NEU3: variants seen among roughly 807,000 people sequenced by gnomAD.
NEU3 encodes the protein neuraminidase 3.
A neutral mutation model predicts 11.4 loss-of-function variants in NEU3; 10 were observed. The ratio of observed to expected loss-of-function variants is 0.88; its 90% CI spans 0.54 to 1.49. The LOEUF is 1.49. Ranked by LOEUF, NEU3 falls within the 40% of genes most tolerant of loss-of-function variation. NEU3 has a pLI of 0.00. For missense variants in NEU3, 529 were observed against 581.8 expected, an observed-to-expected ratio of 0.91 and a Z score of 0.93; for synonymous variants, 212 against 228.2, an observed-to-expected ratio of 0.93 and a Z score of 0.64.
chr11:74,994,261 A>G (rs1293988954), intron 1 of NEU3, among the ~76,000 whole-genome samples: 3 of 152,228 alleles, frequency 2.0e-5, no homozygotes, highest in Non-Finnish European at 4.4e-5. Context: ...TCCAAGATAC[A>G]TACTTGATAC....
chr11:75,005,235 T>G (rs1427976368), intron 2 of NEU3, among the ~76,000 whole-genome samples, 178 bp from the exon 3 acceptor site: 1 of 152,340 alleles, frequency 6.6e-6, no homozygotes, highest in African/African-American at 2.4e-5. Context: ...CATTGTCTCT[T>G]TCCAGCTTTG....
chr11:74,985,221 G>A (rs1214071124), upstream of NEU3, among the ~76,000 whole-genome samples: 1 of 152,082 alleles, frequency 6.6e-6, no homozygotes, highest in African/African-American at 2.4e-5. Flanking sequence ...AAATATTTCA[G>A]ACAAATAAGG....
In NEU3 at chr11:75,003,499, G is replaced by T. The variant is rs185165882; in HGVS notation, c.307-1914G>T. The stretch of plus-strand genomic sequence containing the variant: ...AAGGATTGGTCTAATTATTTAGTTT[G>T]CTGTAACCAGAAGTCCCTTTCCTCC... On this transcript the variant is annotated intron_variant, in intron 2 of 2. Coordinates refer to ENST00000294064, the MANE Select transcript of NEU3 (RefSeq NM_006656.6). Among the ~76,000 whole-genome samples, 372 of 152,260 alleles carry T rather than the reference G, an allele frequency of 2.4e-3. 1 individual carries two copies. The highest frequency in any genetic ancestry group is 7.0e-3 in the South Asian group (34 of 4,830).
chr11:74,980,869 A>G, the NEU3 span, among the ~76,000 whole-genome samples: 1 of 152,214 alleles, frequency 6.6e-6, no homozygotes, highest in African/African-American at 2.4e-5. Context: ...GCTGCTACTA[A>G]CATTCTTCCT....
rs1948899780 is a variant in NEU3 at position 75,006,352 on chromosome 11, G to A, written c.1246G>A (p.Gly416Arg). The change falls in exon 3 of 3, where the codon GGG becomes AGG. Residue 416 changes from glycine (G) to arginine (R), a missense_variant. Gly to Arg is a moderately radical substitution (Grantham distance 125, BLOSUM62 -2). Coordinates refer to ENST00000294064, the MANE Select transcript of NEU3 (RefSeq NM_006656.6). ...TGCTCTGGAGGAGGAGGGCTTGTTTGGGTGTTTGTTTGAATGTGGGACCAA... is the reference window on the plus strand; with the variant it reads ...TGCTCTGGAGGAGGAGGGCTTGTTTAGGTGTTTGTTTGAATGTGGGACCAA... ...LAALEEEGLFGCLFECGTKQE... is the reference protein window; with the variant it reads ...LAALEEEGLFRCLFECGTKQE... 1.9e-6 allele frequency: 3 copies of A among 1,613,886 alleles called. No individual in the cohort carries two copies. The highest frequency in any genetic ancestry group is 1.3e-5 in the African/African-American group (1 of 74,902).
intron 3 of NEU3, among the ~76,000 whole-genome samples, chr11:75,017,753 G>GTA (rs1055049856): frequency 6.6e-6 from 1 of 152,110 alleles, no homozygotes; most frequent in African/African-American, 2.4e-5. Context: ...GATGCCTCTA[G>GTA]TATATGCCTG....
At chr11:75,002,486 G>C (rs77576046) in intron 2 of NEU3, among the ~76,000 whole-genome samples, 3,764 of 152,118 alleles carry the variant, frequency 0.025, 160 homozygotes, top group African/African-American at 0.086. Context: ...ATTGTTTCTT[G>C]TTATCTCTTC....
In NEU3 at chr11:75,017,805, T is replaced by C. The variant is rs530023849; in HGVS notation, c.*2-886T>C. Among the ~76,000 whole-genome samples, 8 of 152,316 alleles carry C rather than the reference T, an allele frequency of 5.3e-5. No homozygotes were observed. In the East Asian group the frequency reaches 1.5e-3, roughly 29 times the overall value. On this transcript the variant is annotated intron_variant, in intron 3 of 3. Transcript: ENST00000529024. The stretch of plus-strand genomic sequence containing the variant: ...CTAGACCACTCTCGAAAAAGACCTC[T>C]GTACTGAACAATGGGGGCCTCTGGT...
At chr11:74,996,182 A>G (rs1011614679) in intron 2 of NEU3, among the ~76,000 whole-genome samples, 3 of 152,138 alleles carry the variant, frequency 2.0e-5, no homozygotes, top group African/African-American at 7.2e-5. Context: ...ACAACAATGA[A>G]GTTTGCTGAA....
chr11:75,004,917 CCTTTCTTTTTTTTTTCTTTCTTT>C (rs1465158609), intron 2 of NEU3, among the ~76,000 whole-genome samples: 3 of 151,456 alleles, frequency 2.0e-5, no homozygotes, highest in Non-Finnish European at 4.4e-5. Context: ...TCTTTCCTTT[CCTTTCTTTTTTTTTTCTTTCTTT>C]CTTTCTTTGT....
In NEU3 at chr11:75,009,016, T is replaced by C. The variant is rs1402685064; in HGVS notation, c.*2524T>C. ...CCCCCTGCCTCATGTTTTTTCTCTT[T>C]AATGACTAGCATCGAAACTCTTTAA... On this transcript the variant is annotated 3_prime_UTR_variant, in exon 3 of 3. Coordinates refer to ENST00000294064, the MANE Select transcript of NEU3 (RefSeq NM_006656.6). 6.6e-6 allele frequency: 1 copy of C among 152,300 alleles called. No homozygotes were observed. Among genetic ancestry groups the C allele is most frequent in the Non-Finnish European group, 1.5e-5 (1 of 68,104 alleles). The allele number at this position is 152,300 out of a possible 1,614,324, so 9.4% of individuals were successfully genotyped here.
At chr11:74,983,599 A>G (rs1392611479), upstream of NEU3, among the ~76,000 whole-genome samples, 2 of 152,242 alleles carry the variant, frequency 1.3e-5, no homozygotes, top group African/African-American at 4.8e-5. Flanking sequence ...ATTTATGCAT[A>G]CTGCAGGCAG....
At chr11:75,017,677 T>C (rs964180216) in intron 3 of NEU3, among the ~76,000 whole-genome samples, 9 of 152,172 alleles carry the variant, frequency 5.9e-5, no homozygotes, top group African/African-American at 1.4e-4. Flanking sequence ...CTCCTTGCAC[T>C]GTCTGAAAGA....
chr11:75,000,285 A>G lies in NEU3; in HGVS notation c.307-5128A>G, dbSNP rs577772276. Among the ~76,000 whole-genome samples, 3 of 152,332 alleles carry G rather than the reference A, an allele frequency of 2.0e-5. No homozygotes were observed. The South Asian group carries it at 6.2e-4, about 32-fold the overall frequency. On this transcript the variant is annotated intron_variant, in intron 2 of 2. Coordinates refer to ENST00000294064, the MANE Select transcript of NEU3 (RefSeq NM_006656.6). ...AATTTTACCATCCTAACCATTTTTAAGTGTATAGTTCAGTAGTGCCAGGTA... is the reference window on the plus strand; with the variant it reads ...AATTTTACCATCCTAACCATTTTTAGGTGTATAGTTCAGTAGTGCCAGGTA...
chr11:75,017,331 G>A (rs1315632078), intron 3 of NEU3, among the ~76,000 whole-genome samples: 2 of 152,190 alleles, frequency 1.3e-5, no homozygotes, highest in African/African-American at 2.4e-5. Context: ...AAGGTGCTGA[G>A]GCTGATCCCA....
chr11:75,006,526 G>A lies in NEU3; in HGVS notation c.*34G>A, dbSNP rs1251042387. The A allele has an allele frequency of 1.9e-6, 3 of 1,571,492 alleles. No individual in the cohort carries two copies. The highest frequency in any genetic ancestry group is 2.6e-6 in the Non-Finnish European group (3 of 1,159,500). On this transcript the variant is annotated 3_prime_UTR_variant, in exon 3 of 3. Transcript: ENST00000294064. ...GGACCCAATTTCCATAGATGCAAAT[G>A]GCAGTTACAGACAGGTTAACAGAAG...
rs749169682 is a variant in NEU3 at position 74,994,677 on chromosome 11, A to C, written c.263A>C (p.His88Pro). ...ACGAGGAGAGATGAGGATGCTCTCC[A>C]CCTGGTGCTGAGGCGAGGGTTGAGG... Reference protein sequence around the residue: ...RSTRRDEDALHLVLRRGLRIG... With the variant: ...RSTRRDEDALPLVLRRGLRIG... Residue 88 changes from histidine to proline, a missense_variant, in exon 2 of 3, where the codon CAC becomes CCC. Coordinates refer to ENST00000294064, the MANE Select transcript of NEU3 (RefSeq NM_006656.6). The C allele has an allele frequency of 6.2e-7, 1 of 1,613,996 alleles. No individual in the cohort carries two copies. The highest frequency in any genetic ancestry group is 1.7e-5 in the Admixed American group (1 of 60,016).
chr11:74,997,582 A>G (rs1334211361), intron 2 of NEU3, among the ~76,000 whole-genome samples: 1 of 151,752 alleles, frequency 6.6e-6, no homozygotes, highest in East Asian at 1.9e-4. Flanking sequence ...GTGGTGGCTC[A>G]CGCCTGTAAT....
At chr11:75,013,839 CA>C (rs1565500327), downstream of NEU3, among the ~76,000 whole-genome samples, 1 of 152,066 alleles carries the variant, frequency 6.6e-6, no homozygotes, top group Non-Finnish European at 1.5e-5. Context: ...CAATGTCACA[CA>C]ACCAGTAAGT....
Sources: gnomAD v4.1 joint callset for allele counts (sites outside exome capture counted in the v4.1 genomes callset) on GRCh38, gnomAD v4.1.1 for gene constraint, MANE v1.5 for transcripts, NCBI Gene and HGNC (gene_info 2026-07-23, HGNC 2026-07-21) for gene names.